ABI3BP: variants seen among roughly 807,000 people sequenced by gnomAD.
ABI3BP encodes ABI family member 3 binding protein.
A neutral mutation model predicts 268.6 loss-of-function variants in ABI3BP; 216 were observed. The ratio of observed to expected loss-of-function variants is 0.80; its 90% CI spans 0.72 to 0.90. ABI3BP has a LOEUF of 0.90. Among genes scored for constraint, ABI3BP ranks in the 40% least tolerant of loss-of-function variants. The pLI, the probability that ABI3BP is intolerant of heterozygous loss-of-function variation, is 0.00. For synonymous variants in ABI3BP, 730 were observed against 730.0 expected, an observed-to-expected ratio of 1.00 and a Z score of 0.00; for missense variants, 2,090 against 2,182.4, an observed-to-expected ratio of 0.96 and a Z score of 0.84.
At chr3:100,952,604 G>A (rs1217980075) in intron 1 of ABI3BP, 1 of 152,018 alleles carries the variant, frequency 6.6e-6, no homozygotes, top group African/African-American at 2.4e-5. Context: ...AAGCAAATAG[G>A]TATTTTATAA....
chr3:100,750,029 T>C lies in ABI3BP; in HGVS notation c.*466A>G, dbSNP rs1379755794. On this transcript the variant is annotated 3_prime_UTR_variant, in exon 68 of 68. Transcript: ENST00000471714. ...TAAATGTGAAAATTCGGACCTTTTTTCCCCAGATATACATGCTGAAGATAA... is the reference window on the plus strand; with the variant it reads ...TAAATGTGAAAATTCGGACCTTTTTCCCCCAGATATACATGCTGAAGATAA... The C allele has an allele frequency of 3.4e-6, 1 of 298,366 alleles. No individual in the cohort carries two copies. Among genetic ancestry groups the C allele is most frequent in the Non-Finnish European group, 6.1e-6 (1 of 164,436 alleles). 18.5% of individuals were successfully genotyped at this position (298,366 alleles called of 1,614,324 possible). A position where few individuals can be genotyped will look rare whatever the true frequency, so the allele number is the denominator to read the frequency against.
intron 26 of ABI3BP, 122 bp from the exon 27 acceptor site, chr3:100,837,293 G>T: frequency 5.9e-6 from 4 of 681,498 alleles, no homozygotes; most frequent in South Asian, 3.0e-5. Context: ...AATATAAATT[G>T]CCTTCTTGAT....
At chr3:100,986,977 G>T (rs1304218300) in intron 1 of ABI3BP, among the ~76,000 whole-genome samples, 3 of 151,418 alleles carry the variant, frequency 2.0e-5, no homozygotes, top group Non-Finnish European at 1.5e-5. Flanking sequence ...ACTTTTTGGT[G>T]GTCATTTTAA....
intron 1 of ABI3BP, among the ~76,000 whole-genome samples, chr3:100,956,707 G>A (rs1460185900): frequency 2.6e-5 from 4 of 152,154 alleles, no homozygotes; most frequent in Admixed American, 1.3e-4. Context: ...GAAGAGTCAA[G>A]GTGGGAAGGG....
intron 2 of ABI3BP, among the ~76,000 whole-genome samples, chr3:100,920,789 A>G (rs1373926709): frequency 6.6e-6 from 1 of 152,168 alleles, no homozygotes; most frequent in African/African-American, 2.4e-5. Flanking sequence ...TCTCTATTTT[A>G]TAAATGAGAA....
intron 55 of ABI3BP, among the ~76,000 whole-genome samples, chr3:100,792,298 G>A (rs1466704338): frequency 6.6e-6 from 1 of 151,638 alleles, no homozygotes; most frequent in Admixed American, 6.6e-5. Context: ...TGGAGAAAGT[G>A]AGAAAAGGAG....
At position 100,775,225 on chromosome 3, in the gene ABI3BP, C is replaced by G; in HGVS notation, c.4444G>C (p.Ala1482Pro). 1 of 1,612,746 alleles carries G rather than the reference C, an allele frequency of 6.2e-7. No individual in the cohort carries two copies. The highest frequency in any genetic ancestry group is 8.5e-7 in the Non-Finnish European group (1 of 1,179,364). ...ETDIKQPTVP[A>P]SGEELENITD... Reference sequence around the variant, plus strand: ...TACGAACCCAGTTCTTCTCCAGAGGCAGGAACTGTTGGTTGCTTTATATCT... The same window carrying G: ...TACGAACCCAGTTCTTCTCCAGAGGGAGGAACTGTTGGTTGCTTTATATCT... Residue 1482 changes from alanine (A) to proline (P), a missense_variant, in exon 60 of 68, where the codon GCC (alanine) becomes CCC (proline). By Grantham distance (27) the Ala-to-Pro change is conservative. Transcript: ENST00000471714.
intron 3 of ABI3BP, among the ~76,000 whole-genome samples, chr3:100,901,062 T>G (rs938582935): frequency 2.0e-5 from 3 of 152,228 alleles, no homozygotes; most frequent in Admixed American, 6.5e-5. Context: ...TCAATATTTT[T>G]GAAGTACAGT....
Position 100,886,166 on chromosome 3 carries a change from A to C in ABI3BP, c.619T>G (p.Phe207Val), listed in dbSNP as rs2041905957. 2 of 1,599,512 alleles carry C rather than the reference A, an allele frequency of 1.3e-6. No individual in the cohort carries two copies. The highest frequency in any genetic ancestry group is 4.5e-5 in the East Asian group (2 of 44,222). Residue 207 changes from phenylalanine (F) to valine (V), a missense_variant, in exon 5 of 68, where the codon TTC becomes GTC. Transcript: ENST00000471714. ...NVEGGIWSKIFNHKTVVGSKK... is the reference protein window; with the variant it reads ...NVEGGIWSKIVNHKTVVGSKK... ...CTTCCAACAACAGTCTTGTGATTGA[A>C]AATCTTACTCCAAATTCCACCTTCC...
Position 100,926,257 on chromosome 3 carries a change from C to A in ABI3BP, c.259+45G>T, listed in dbSNP as rs1224124547. On this transcript the variant is annotated intron_variant, in intron 2 of 67. Transcript: ENST00000471714. ...TTGTAGGTCATGTTACACCCCCCCA[C>A]CTCTTACCTCCTTTCCTTCCCAGCC... is the stretch of plus-strand genomic sequence containing the variant. The A allele has an allele frequency of 2.5e-6, 4 of 1,594,688 alleles. No homozygotes were observed. The East Asian group carries it at 6.7e-5, about 27-fold the overall frequency.
intron 1 of ABI3BP, among the ~76,000 whole-genome samples, chr3:100,938,329 A>T (rs1172515554): frequency 6.6e-6 from 1 of 151,044 alleles, no homozygotes; most frequent in Non-Finnish European, 1.5e-5. Flanking sequence ...AAACATAGGG[A>T]TTGGCAATAA....
At chr3:100,986,531 A>G (rs957420185) in intron 1 of ABI3BP, among the ~76,000 whole-genome samples, 7 of 152,142 alleles carry the variant, frequency 4.6e-5, no homozygotes, top group African/African-American at 9.7e-5. Context: ...CAGTGGCACA[A>G]TCTCAGCTCA....
intron 1 of ABI3BP, among the ~76,000 whole-genome samples, chr3:100,984,656 C>A (rs984089494): frequency 2.6e-5 from 4 of 152,102 alleles, no homozygotes; most frequent in Admixed American, 6.5e-5. Flanking sequence ...ACCTACAACA[C>A]ACTATAACAA....
intron 1 of ABI3BP, among the ~76,000 whole-genome samples, chr3:100,954,912 T>C (rs755157933): frequency 2.6e-5 from 4 of 151,792 alleles, no homozygotes; most frequent in Admixed American, 6.6e-5. Flanking sequence ...AAATAGCATG[T>C]CACCACCAAG....
intron 6 of ABI3BP, among the ~76,000 whole-genome samples, chr3:100,884,410 C>A (rs1471508172): frequency 6.6e-6 from 1 of 152,126 alleles, no homozygotes; most frequent in Non-Finnish European, 1.5e-5. Context: ...AATAATTTCA[C>A]AATGAACACA....
At chr3:100,948,359 A>G (rs1392552969) in intron 1 of ABI3BP, among the ~76,000 whole-genome samples, 1 of 152,202 alleles carries the variant, frequency 6.6e-6, no homozygotes, top group Admixed American at 6.5e-5. Context: ...TTTCAGTAGA[A>G]AAAAATGCTA....
At chr3:100,987,965 G>A (rs1219457534) in intron 1 of ABI3BP, among the ~76,000 whole-genome samples, 2 of 152,128 alleles carry the variant, frequency 1.3e-5, no homozygotes, top group Non-Finnish European at 2.9e-5. Context: ...ATAATTTCTT[G>A]CTTGGTGGTT....
chr3:100,983,205 A>G (rs1359751946), intron 1 of ABI3BP, among the ~76,000 whole-genome samples: 1 of 152,246 alleles, frequency 6.6e-6, no homozygotes, highest in Non-Finnish European at 1.5e-5. Flanking sequence ...GCAAGGTTTC[A>G]TTCACCACTA....
chr3:100,862,953 T>C (rs1185736201), intron 12 of ABI3BP, 44 bp from the exon 13 acceptor site: 4 of 1,399,522 alleles, frequency 2.9e-6, no homozygotes, highest in Non-Finnish European at 3.9e-6. Context: ...GAGGTGAAAG[T>C]AACAGGAAAG....
Sources: allele counts gnomAD v4.1 joint callset (sites outside exome capture counted in the v4.1 genomes callset), GRCh38; gene constraint gnomAD v4.1.1; transcripts MANE v1.5; gene names NCBI Gene and HGNC (gene_info 2026-07-23, HGNC 2026-07-21).